Variants in CELF2 observed in about 807,000 individuals in gnomAD.
The protein encoded by CELF2 is CUG triplet repeat RNA-binding protein 2.
A neutral mutation model predicts 62.6 loss-of-function variants in CELF2; 8 were observed. That is an observed-to-expected ratio of 0.13 (90% confidence interval 0.07 to 0.23). The LOEUF is 0.23. Ranked by LOEUF, CELF2 falls within the 10% of genes least tolerant of loss-of-function variation. CELF2 has a pLI of 1.00. For missense variants in CELF2, 333 were observed against 671.0 expected (o/e 0.50, Z 5.56); for synonymous variants, 258 against 250.0 (o/e 1.03, Z -0.30).
chr10:11,082,771 G>C (rs2074363360), intron 1 of CELF2, among the ~76,000 whole-genome samples: 1 of 152,250 alleles, frequency 6.6e-6, no homozygotes, highest in East Asian at 1.9e-4. Flanking sequence ...CATGCTTTAT[G>C]GCCTGCTTGC....
At chr10:10,488,320 G>A in the CELF2 span, among the ~76,000 whole-genome samples, 2 of 152,036 alleles carry the variant, frequency 1.3e-5, no homozygotes, top group African/African-American at 4.8e-5. Context: ...CAAATTCTAG[G>A]AGAGCTACTT....
upstream of CELF2, chr10:11,005,183 A>T: frequency 1.4e-6 from 2 of 1,436,096 alleles, no homozygotes; most frequent in Non-Finnish European, 1.8e-6. This position sits in a 1 kb window ranked among gnomAD's most constrained non-coding sequence, Gnocchi z 4.3. Flanking sequence ...CTACTTAGTG[A>T]ATCTGCAGGA....
At chr10:10,815,240 C>G (rs1029975189) in intron 1 of CELF2, among the ~76,000 whole-genome samples, 7 of 152,212 alleles carry the variant, frequency 4.6e-5, no homozygotes, top group Non-Finnish European at 8.8e-5. Context: ...CTTTGCCCCT[C>G]TCTCCCCTTG....
the CELF2 span, among the ~76,000 whole-genome samples, chr10:10,463,818 G>A: frequency 4.6e-5 from 7 of 151,968 alleles, no homozygotes; most frequent in East Asian, 1.9e-4. Flanking sequence ...TTTTGCTTTC[G>A]CCCCATTGTT....
chr10:10,504,699 T>G, the CELF2 span, among the ~76,000 whole-genome samples: 1 of 152,154 alleles, frequency 6.6e-6, no homozygotes, highest in Admixed American at 6.5e-5. Context: ...TATATGTCCC[T>G]GATACATTTC....
chr10:11,147,638 G>A (rs1008073134), intron 1 of CELF2, among the ~76,000 whole-genome samples: 3 of 152,132 alleles, frequency 2.0e-5, no homozygotes, highest in Non-Finnish European at 4.4e-5. Flanking sequence ...TTGGTTCAGC[G>A]TTTCATAATC....
intron 1 of CELF2, among the ~76,000 whole-genome samples, chr10:11,120,126 C>A (rs1308921498): frequency 6.6e-6 from 1 of 152,058 alleles, no homozygotes; most frequent in African/African-American, 2.4e-5. Context: ...TTGAGCATGT[C>A]GTGTGTGTCA....
the CELF2 span, among the ~76,000 whole-genome samples, chr10:10,745,108 C>A: frequency 1.8e-5 from 2 of 112,514 alleles, no homozygotes; most frequent in African/African-American, 3.4e-5. Context: ...CAAAACCATG[C>A]CACGTAAAAA....
At chr10:11,298,632 C>T (rs995192572) in intron 9 of CELF2, among the ~76,000 whole-genome samples, 1 of 152,062 alleles carries the variant, frequency 6.6e-6, no homozygotes, top group African/African-American at 2.4e-5. Flanking sequence ...ATTATTTTCT[C>T]AGTTGTGAAA....
At chr10:10,662,766 A>T in the CELF2 span, among the ~76,000 whole-genome samples, 3 of 152,214 alleles carry the variant, frequency 2.0e-5, no homozygotes, top group African/African-American at 7.2e-5. Context: ...AATCTACCAG[A>T]TGATCTTTTG....
chr10:10,711,644 G>A, the CELF2 span, among the ~76,000 whole-genome samples: 8 of 152,156 alleles, frequency 5.3e-5, no homozygotes, highest in African/African-American at 1.9e-4. Context: ...CATTTTGGGA[G>A]GCTGAGGCAG....
intron 2 of CELF2, among the ~76,000 whole-genome samples, chr10:10,962,842 C>G (rs2049682250): frequency 6.6e-6 from 1 of 152,198 alleles, no homozygotes; most frequent in Non-Finnish European, 1.5e-5. Flanking sequence ...CCAGTGGTCA[C>G]TCAAACCCTC....
At position 11,214,013 on chromosome 10, in the gene CELF2, G is replaced by A. The variant is rs1250601897; in HGVS notation, c.272-3412G>A. On this transcript the variant is annotated intron_variant, in intron 2 of 12. Coordinates refer to ENST00000633077, the MANE Select transcript of CELF2 (RefSeq NM_001326342.2). This position sits in a 1 kb window ranked among gnomAD's most constrained non-coding sequence, Gnocchi z 4.2. ...TACTGATGAGACTAGGCCGGGCACA[G>A]TAGCTCATGCCTATAGTCTAAGGGC... Among the ~76,000 whole-genome samples, 1 of 152,210 alleles carries A rather than the reference G, an allele frequency of 6.6e-6. No homozygotes were observed. The highest frequency in any genetic ancestry group is 1.9e-4 in the East Asian group (1 of 5,202).
chr10:11,241,381 G>T (rs932231285), intron 3 of CELF2, among the ~76,000 whole-genome samples: 4 of 152,090 alleles, frequency 2.6e-5, no homozygotes, highest in Admixed American at 6.5e-5. Flanking sequence ...TGTATTTTTA[G>T]TAGAGACAGA....
the CELF2 span, among the ~76,000 whole-genome samples, chr10:10,535,946 G>C: frequency 3.3e-5 from 5 of 151,912 alleles, no homozygotes; most frequent in Non-Finnish European, 7.4e-5. Flanking sequence ...GATTCAATGG[G>C]ACTGGGCTGT....
chr10:11,051,901 CT>C (rs10711238), intron 1 of CELF2, among the ~76,000 whole-genome samples: 49,954 of 122,114 alleles, frequency 0.41, 8,556 homozygotes, highest in East Asian at 0.67. Context: ...ATTGTTAATA[CT>C]TTTTTTTTTT....
chr10:11,289,726 A>G (rs1458444322), intron 9 of CELF2, among the ~76,000 whole-genome samples: 2 of 152,204 alleles, frequency 1.3e-5, no homozygotes, highest in Non-Finnish European at 2.9e-5. Flanking sequence ...AATAAACACT[A>G]TTCCTGAAAA....
At chr10:10,795,160 G>T (rs1427339280), upstream of CELF2, among the ~76,000 whole-genome samples, 1 of 151,776 alleles carries the variant, frequency 6.6e-6, no homozygotes, top group Non-Finnish European at 1.5e-5. Flanking sequence ...AGAAATGTTA[G>T]CTCTATGAAA....
At chr10:10,673,988 G>A in the CELF2 span, among the ~76,000 whole-genome samples, 8 of 152,194 alleles carry the variant, frequency 5.3e-5, no homozygotes, top group Non-Finnish European at 4.4e-5. Flanking sequence ...TGAGAAGAAT[G>A]TGTATTCTGC....
Sources: gnomAD v4.1 joint callset for allele counts (sites outside exome capture counted in the v4.1 genomes callset) on GRCh38, gnomAD v4.1.1 for gene constraint, Gnocchi (gnomAD v3.1) non-coding constraint, MANE v1.5 for transcripts, NCBI Gene and HGNC (gene_info 2026-07-23, HGNC 2026-07-21) for gene names.